DHX15: variants seen among roughly 807,000 people sequenced by gnomAD.
DHX15 encodes the protein DEAH-box helicase 15.
A neutral mutation model predicts 94.4 loss-of-function variants in DHX15; 11 were observed. The observed-to-expected ratio is 0.12, with a 90% CI of 0.07 to 0.19. The LOEUF (loss-of-function observed/expected upper bound fraction) is 0.19, where lower values mean the gene tolerates loss of function less well. Among genes scored for constraint, DHX15 ranks in the 10% least tolerant of loss-of-function variants. The pLI, the probability that DHX15 is intolerant of heterozygous loss-of-function variation, is 1.00. For missense variants in DHX15, 304 were observed against 988.5 expected (o/e 0.31, Z 9.29); for synonymous variants, 338 against 329.9 (o/e 1.02, Z -0.27).
intron 11 of DHX15, 139 bp downstream of exon 11, chr4:24,536,912 C>T (rs112641400): frequency 6.2e-6 from 6 of 970,614 alleles, no homozygotes; most frequent in African/African-American, 3.4e-5. Context: ...TTTAAATGCT[C>T]GTCAGGAGTT....
intron 6 of DHX15, among the ~76,000 whole-genome samples, chr4:24,545,118 T>A (rs1306533383): frequency 6.6e-6 from 1 of 152,118 alleles, no homozygotes; most frequent in African/African-American, 2.4e-5. Flanking sequence ...CTCAAATCTA[T>A]ACAGAACCAA....
At chr4:24,546,385 CTAAA>C (rs1362280162) in intron 6 of DHX15, among the ~76,000 whole-genome samples, 1 of 152,118 alleles carries the variant, frequency 6.6e-6, no homozygotes, top group Non-Finnish European at 1.5e-5. Context: ...TTAATGAACA[CTAAA>C]TATTTAAAAA....
At chr4:24,582,839 G>A (rs1722447948) in intron 1 of DHX15, among the ~76,000 whole-genome samples, 1 of 152,178 alleles carries the variant, frequency 6.6e-6, no homozygotes. Flanking sequence ...GTTTTGTGGG[G>A]CGTAATGGTG....
intron 12 of DHX15, among the ~76,000 whole-genome samples, chr4:24,531,714 C>A (rs1156690905): frequency 6.6e-6 from 1 of 151,930 alleles, no homozygotes; most frequent in African/African-American, 2.4e-5. Flanking sequence ...CATTGCCTCC[C>A]TCACCCCATC....
At chr4:24,584,247 G>A in intron 1 of DHX15, 76 bp downstream of exon 1, 1 of 1,454,598 alleles carries the variant, frequency 6.9e-7, no homozygotes, top group Non-Finnish European at 9.3e-7. Context: ...CGCTCGGCCA[G>A]GCCAGCCCCG....
intron 3 of DHX15, among the ~76,000 whole-genome samples, chr4:24,563,793 C>A (rs1029429909): frequency 2.6e-5 from 4 of 151,950 alleles, no homozygotes; most frequent in African/African-American, 7.3e-5. Flanking sequence ...AGGCTGGGCA[C>A]GGTGGCTCAC....
chr4:24,528,237 A>G (rs1416584696), intron 13 of DHX15, among the ~76,000 whole-genome samples, 196 bp from the exon 14 acceptor site: 1 of 152,194 alleles, frequency 6.6e-6, no homozygotes, highest in African/African-American at 2.4e-5. Context: ...ATTTAGTAAG[A>G]TGTGAATTTT....
intron 6 of DHX15, among the ~76,000 whole-genome samples, chr4:24,548,493 C>T (rs372397153): frequency 1.3e-5 from 2 of 152,158 alleles, no homozygotes; most frequent in African/African-American, 4.8e-5. Flanking sequence ...CATTTCACAC[C>T]TATAGACATT....
At chr4:24,545,144 T>TA (rs1310388624) in intron 6 of DHX15, among the ~76,000 whole-genome samples, 1 of 152,106 alleles carries the variant, frequency 6.6e-6, no homozygotes, top group Non-Finnish European at 1.5e-5. Flanking sequence ...TGCCTGTAAA[T>TA]ACAGAAGACG....
intron 3 of DHX15, among the ~76,000 whole-genome samples, chr4:24,569,448 C>G (rs540806716): frequency 6.6e-6 from 1 of 151,930 alleles, no homozygotes; most frequent in Non-Finnish European, 1.5e-5. Context: ...AAAAGTTAGC[C>G]AGGCATGGTG....
At chr4:24,554,028 C>A (rs1014500429) in intron 5 of DHX15, among the ~76,000 whole-genome samples, 13 of 151,826 alleles carry the variant, frequency 8.6e-5, no homozygotes, top group Non-Finnish European at 1.2e-4. Context: ...ACCATCCTGG[C>A]TAAAACGGTG....
intron 6 of DHX15, among the ~76,000 whole-genome samples, chr4:24,545,083 C>A (rs1721395111): frequency 6.6e-6 from 1 of 152,136 alleles, no homozygotes; most frequent in Non-Finnish European, 1.5e-5. Context: ...AGAACTCCAC[C>A]CTAGGCAACA....
rs1156261585 is a variant in DHX15, at chr4:24,555,633, C to T, written c.861+618G>A. On this transcript the variant is annotated intron_variant, in intron 4 of 13. Coordinates refer to ENST00000336812, the MANE Select transcript of DHX15 (RefSeq NM_001358.3). The stretch of plus-strand genomic sequence containing the variant: ...ATGAACCCTTCTATAACACTTGTAT[C>T]AACAAGGGATGAGTCTACATTCCAA... Among the ~76,000 whole-genome samples the T allele has an allele frequency of 1.5e-4, 23 of 152,076 alleles. 1 individual carries two copies. Among genetic ancestry groups the T allele is most frequent in the Admixed American group, 1.5e-3 (23 of 15,266 alleles).
chr4:24,530,026 C>A, intron 12 of DHX15: 1 of 528,024 alleles, frequency 1.9e-6, no homozygotes. Flanking sequence ...AAATATCATA[C>A]AAAAAACATT....
chr4:24,544,043 T>C (rs1251549682), intron 6 of DHX15, among the ~76,000 whole-genome samples: 2 of 152,090 alleles, frequency 1.3e-5, no homozygotes, highest in South Asian at 2.1e-4. Context: ...TGAAAAATAA[T>C]AGCATTTAGG....
At position 24,527,865 on chromosome 4, in the gene DHX15, T is replaced by A. The variant is rs555115831; in HGVS notation, c.*59A>T. Reference sequence around the variant, plus strand: ...AACGTGAAGAGCACAACTCGAACTTTTGAGTTCATTCATCTTTTAAAGCTG... The same window carrying A: ...AACGTGAAGAGCACAACTCGAACTTATGAGTTCATTCATCTTTTAAAGCTG... On this transcript the variant is annotated 3_prime_UTR_variant, in exon 14 of 14. Coordinates refer to ENST00000336812, the MANE Select transcript of DHX15 (RefSeq NM_001358.3). 1 of 1,284,122 alleles carries A rather than the reference T, an allele frequency of 7.8e-7. No homozygotes were observed. The highest frequency in any genetic ancestry group is 1.5e-5 in the African/African-American group (1 of 68,508). The allele number at this position is 1,284,122 out of a possible 1,614,324, so 79.5% of individuals were successfully genotyped here.
chr4:24,573,059 C>A (rs567041432), intron 2 of DHX15, among the ~76,000 whole-genome samples: 3 of 152,034 alleles, frequency 2.0e-5, no homozygotes, highest in Admixed American at 6.6e-5. Flanking sequence ...TACAGGTGTG[C>A]GCCACCACGC....
At position 24,560,454 on chromosome 4, in the gene DHX15, G is replaced by A. The variant is rs141977893; in HGVS notation, c.702-4044C>T. On this transcript the variant is annotated intron_variant, in intron 3 of 13. Transcript: ENST00000336812. ...TGGGCAGGGTATGATGCAAAACCTG[G>A]ACATCATAAAAGTGGTTAATTCAAT... Among the ~76,000 whole-genome samples the A allele has an allele frequency of 3.4e-3, 524 of 152,058 alleles. 6 individuals carry two copies. The highest frequency in any genetic ancestry group is 0.012 in the African/African-American group (500 of 41,490).
intron 3 of DHX15, among the ~76,000 whole-genome samples, chr4:24,557,959 C>T (rs6833763): frequency 0.054 from 7,833 of 144,746 alleles, 317 homozygotes; most frequent in African/African-American, 0.11. Flanking sequence ...TTCAATAGAG[C>T]GGTCTGTTGA....
Sources: allele counts gnomAD v4.1 joint callset (sites outside exome capture counted in the v4.1 genomes callset), GRCh38; gene constraint gnomAD v4.1.1; transcripts MANE v1.5; gene names NCBI Gene and HGNC (gene_info 2026-07-23, HGNC 2026-07-21).